ZNF280D: variants seen among roughly 807,000 people sequenced by gnomAD.
The protein encoded by ZNF280D is suppressor of hairy wing homolog 4.
ZNF280D carries 39 observed loss-of-function variants against 94.7 expected under a neutral mutation model. That is an observed-to-expected ratio of 0.41 (90% CI 0.32 to 0.54). ZNF280D has a LOEUF of 0.54. Among genes scored for constraint, ZNF280D ranks in the 20% least tolerant of loss-of-function variants. ZNF280D has a pLI of 0.22. For synonymous variants in ZNF280D, 398 were observed against 377.6 expected, an observed-to-expected ratio of 1.05 and a Z score of -0.63; for missense variants, 1,090 against 1,149.3, an observed-to-expected ratio of 0.95 and a Z score of 0.75.
chr15:56,706,916 T>C (rs759465442), intron 3 of ZNF280D, among the ~76,000 whole-genome samples, 166 bp downstream of exon 3: 1 of 152,208 alleles, frequency 6.6e-6, no homozygotes, highest in African/African-American at 2.4e-5. Context: ...TCTATTTTAC[T>C]CACTTTTTTA....
intron 16 of ZNF280D, among the ~76,000 whole-genome samples, chr15:56,665,708 A>AAAAAAAG (rs2054243707): frequency 6.6e-6 from 1 of 151,288 alleles, no homozygotes; most frequent in African/African-American, 2.4e-5. Context: ...CGTCTCAAAA[A>AAAAAAAG]AAAAAAAAAA....
Position 56,655,988 on chromosome 15 carries a change from C to T in ZNF280D, c.2058-1485G>A, listed in dbSNP as rs754003858. Among the ~76,000 whole-genome samples, 24 of 152,132 alleles carry T rather than the reference C, an allele frequency of 1.6e-4. 1 individual carries two copies. Among genetic ancestry groups the T allele is most frequent in the Non-Finnish European group, 2.4e-4 (16 of 68,018 alleles). ...CTAGAATGCCCCGTGCCTCTTCTAC[C>T]AGTAGAAACAATACCCATCCTTTAA... On this transcript the variant is annotated intron_variant, in intron 17 of 21. Transcript: ENST00000267807.
At chr15:56,668,713 T>A in intron 14 of ZNF280D, 110 bp downstream of exon 14, 1 of 1,048,410 alleles carries the variant, frequency 9.5e-7, no homozygotes, top group African/African-American at 1.7e-5. Flanking sequence ...AAAATTAGAG[T>A]CTGAGCAAAA....
chr15:56,658,525 A>C (rs781038902), intron 16 of ZNF280D, 39 bp from the exon 17 acceptor site: 1 of 1,379,320 alleles, frequency 7.2e-7, no homozygotes, highest in Non-Finnish European at 9.9e-7. Flanking sequence ...TTTATTATAC[A>C]ATAAGTCACA....
At chr15:56,693,273 ATATAAT>A in intron 6 of ZNF280D, 58 bp from the exon 7 acceptor site, 1 of 471,386 alleles carries the variant, frequency 2.1e-6, no homozygotes, top group Non-Finnish European at 3.3e-6. Context: ...AATTATTTCA[ATATAAT>A]TATATATTAT....
intron 19 of ZNF280D, among the ~76,000 whole-genome samples, chr15:56,643,690 T>C (rs181663909): frequency 1.2e-4 from 18 of 152,016 alleles, no homozygotes; most frequent in African/African-American, 4.3e-4. Context: ...ATCTTTGTTT[T>C]AGAAGCTGCA....
At chr15:56,643,121 C>T (rs1300141281) in intron 19 of ZNF280D, 124 bp from the exon 20 acceptor site, 3 of 554,096 alleles carry the variant, frequency 5.4e-6, no homozygotes, top group Non-Finnish European at 8.7e-6. Context: ...ACATTTTATA[C>T]TTTAATAGTA....
At chr15:56,643,367 T>A (rs1297027347) in intron 19 of ZNF280D, among the ~76,000 whole-genome samples, 1 of 151,734 alleles carries the variant, frequency 6.6e-6, no homozygotes, top group African/African-American at 2.4e-5. Context: ...TATGCTTACA[T>A]AAGTAATATG....
At chr15:56,687,243 CAG>C (rs1412325369) in intron 9 of ZNF280D, among the ~76,000 whole-genome samples, 2 of 152,024 alleles carry the variant, frequency 1.3e-5, no homozygotes, top group African/African-American at 4.8e-5. Context: ...CTTACAATGA[CAG>C]AGATACTTTC....
At chr15:56,682,800 A>G (rs1440261185) in intron 9 of ZNF280D, among the ~76,000 whole-genome samples, 5 of 152,088 alleles carry the variant, frequency 3.3e-5, no homozygotes, top group Admixed American at 2.6e-4. Flanking sequence ...TTCCTTAACT[A>G]AAAATCATTC....
At chr15:56,676,906 A>T in intron 12 of ZNF280D, 90 bp from the exon 13 acceptor site, 1 of 1,015,218 alleles carries the variant, frequency 9.9e-7, no homozygotes, top group Non-Finnish European at 1.5e-6. Context: ...TTGTCAGGAG[A>T]ACATTATGTA....
chr15:56,703,345 T>C (rs2057199720), intron 4 of ZNF280D, among the ~76,000 whole-genome samples: 2 of 152,182 alleles, frequency 1.3e-5, no homozygotes, highest in East Asian at 3.9e-4. Flanking sequence ...CTGCAGCTTC[T>C]ATTGGTACAC....
At chr15:56,664,026 C>G (rs1331445897) in intron 16 of ZNF280D, among the ~76,000 whole-genome samples, 1 of 152,126 alleles carries the variant, frequency 6.6e-6, no homozygotes, top group African/African-American at 2.4e-5. Context: ...GAAGTAGTCT[C>G]TATAAAAATT....
chr15:56,673,775 G>T (rs2055025086), intron 13 of ZNF280D, among the ~76,000 whole-genome samples: 1 of 151,886 alleles, frequency 6.6e-6, no homozygotes, highest in South Asian at 2.1e-4. Flanking sequence ...AGCATCCCAG[G>T]TATACACTCA....
intron 19 of ZNF280D, chr15:56,653,071 A>T (rs1382326972): frequency 4.1e-6 from 4 of 980,956 alleles, no homozygotes; most frequent in Admixed American, 6.1e-5. Flanking sequence ...TACAGAATTA[A>T]TACTGGTTAA....
intron 1 of ZNF280D, among the ~76,000 whole-genome samples, chr15:56,725,762 A>G (rs1239616730): frequency 6.6e-6 from 1 of 152,156 alleles, no homozygotes; most frequent in Non-Finnish European, 1.5e-5. Context: ...TAAGTTACAT[A>G]CCAATCCAAA....
At chr15:56,639,969 T>C (rs1314690386) in intron 20 of ZNF280D, among the ~76,000 whole-genome samples, 1 of 152,146 alleles carries the variant, frequency 6.6e-6, no homozygotes, top group African/African-American at 2.4e-5. Flanking sequence ...AGCGATTTTT[T>C]TTTTATGTGT....
At chr15:56,718,657 T>G (rs1301083359) in intron 1 of ZNF280D, among the ~76,000 whole-genome samples, 12 of 152,146 alleles carry the variant, frequency 7.9e-5, no homozygotes, top group African/African-American at 2.9e-4. Context: ...AAACTTCCTC[T>G]TCATCCAACT....
chr15:56,692,952 G>A (rs2056511416), intron 7 of ZNF280D, 146 bp downstream of exon 7: 2 of 473,654 alleles, frequency 4.2e-6, no homozygotes, highest in East Asian at 8.3e-5. Context: ...ACCCACATAA[G>A]GTATTCAAGT....
Sources: allele counts gnomAD v4.1 joint callset (sites outside exome capture counted in the v4.1 genomes callset), GRCh38; gene constraint gnomAD v4.1.1; transcripts MANE v1.5; gene names NCBI Gene and HGNC (gene_info 2026-07-23, HGNC 2026-07-21).